Variants in SRPK1 observed in about 807,000 individuals in gnomAD.
The protein encoded by SRPK1 is SFRS protein kinase 1.
SRPK1 carries 52 observed loss-of-function variants against 89.5 expected under a neutral mutation model. The observed-to-expected ratio is 0.58, with a 90% confidence interval of 0.46 to 0.73. The LOEUF (loss-of-function observed/expected upper bound fraction) is 0.73. Ranked by LOEUF, SRPK1 falls within the 30% of genes least tolerant of loss-of-function variation. The probability of loss-of-function intolerance (pLI) is 0.00; values close to 1 mark genes in which losing one functional copy is unlikely to be tolerated. For synonymous variants in SRPK1, 255 were observed against 270.2 expected (o/e 0.94, Z 0.55); for missense variants, 603 against 780.6 (o/e 0.77, Z 2.71).
chr6:35,893,584 G>C (rs926043701), intron 2 of SRPK1, among the ~76,000 whole-genome samples: 1 of 151,886 alleles, frequency 6.6e-6, no homozygotes, highest in Non-Finnish European at 1.5e-5. Flanking sequence ...CTTGCAGGGG[G>C]CAAAAAAGGA....
chr6:35,911,067 G>A (rs1770950678), intron 2 of SRPK1, among the ~76,000 whole-genome samples: 1 of 152,156 alleles, frequency 6.6e-6, no homozygotes, highest in East Asian at 1.9e-4. Context: ...CAACTTTCAA[G>A]TCTTATTATT....
At chr6:35,849,755 C>G (rs1051815989) in intron 13 of SRPK1, among the ~76,000 whole-genome samples, 2 of 152,114 alleles carry the variant, frequency 1.3e-5, no homozygotes, top group African/African-American at 4.8e-5. Flanking sequence ...AAATGTTCAG[C>G]CAGTATGTAT....
In SRPK1 at chr6:35,835,396, A is replaced by G; in HGVS notation, c.1876T>C (p.Phe626Leu). The G allele has an allele frequency of 1.2e-6, 2 of 1,613,846 alleles. No individual in the cohort carries two copies. The highest frequency in any genetic ancestry group is 1.7e-6 in the Non-Finnish European group (2 of 1,179,848). ...AACATGGGCAGTAAGAAATCTGTGAAGCCAGCTGCCTCTTCCTGCGACCAC... is the reference window on the plus strand; with the variant it reads ...AACATGGGCAGTAAGAAATCTGTGAGGCCAGCTGCCTCTTCCTGCGACCAC... ...YEWSQEEAAG[F>L]TDFLLPMLEL... is the part of the protein sequence containing the mutation. The change falls in exon 16 of 16, where the codon TTC becomes CTC. Residue 626 changes from phenylalanine (F) to leucine (L), a missense_variant. Phe to Leu is a conservative substitution (Grantham distance 22). Coordinates refer to ENST00000373825, the MANE Select transcript of SRPK1 (RefSeq NM_003137.5).
Position 35,869,470 on chromosome 6 carries a change from C to T in SRPK1, c.1411+12G>A. ...GGGAAGGAGTGTTGAGGAAGTATAGCTGCATAGGTACCTTTGTTGTCCAGT... is the reference window on the plus strand; with the variant it reads ...GGGAAGGAGTGTTGAGGAAGTATAGTTGCATAGGTACCTTTGTTGTCCAGT... On this transcript the variant is annotated intron_variant, in intron 11 of 15. Transcript: ENST00000373825. 6.2e-7 allele frequency: 1 copy of T among 1,608,690 alleles called. No individual in the cohort carries two copies. The highest frequency in any genetic ancestry group is 8.5e-7 in the Non-Finnish European group (1 of 1,175,940).
chr6:35,842,501 C>T, intron 14 of SRPK1, 34 bp downstream of exon 14: 2 of 1,553,848 alleles, frequency 1.3e-6, no homozygotes, highest in East Asian at 4.5e-5. Context: ...AGTGTAAATA[C>T]CACGCACACA....
At chr6:35,909,223 C>A (rs144326561) in intron 2 of SRPK1, among the ~76,000 whole-genome samples, 2 of 152,226 alleles carry the variant, frequency 1.3e-5, no homozygotes, top group Non-Finnish European at 2.9e-5. Flanking sequence ...CTATGGGATC[C>A]CACCCCTTGC....
At chr6:35,842,477 A>G in intron 14 of SRPK1, 58 bp downstream of exon 14, 3 of 1,366,926 alleles carry the variant, frequency 2.2e-6, no homozygotes, top group Non-Finnish European at 3.0e-6. Flanking sequence ...AAATGATGTT[A>G]GCTTAATGTG....
intron 2 of SRPK1, among the ~76,000 whole-genome samples, chr6:35,909,565 G>A (rs1364433771): frequency 6.6e-6 from 1 of 152,184 alleles, no homozygotes; most frequent in Non-Finnish European, 1.5e-5. Context: ...TGCAATGTGA[G>A]GACAAGAGAT....
chr6:35,885,298 C>CACACACACAGAGAG (rs1276672274), intron 6 of SRPK1, among the ~76,000 whole-genome samples: 28 of 113,112 alleles, frequency 2.5e-4, no homozygotes, highest in African/African-American at 9.1e-4. Flanking sequence ...CACACACACA[C>CACACACACAGAGAG]AGAGAGAGAG....
At chr6:35,881,470 TATAG>T (rs1770289553) in intron 6 of SRPK1, among the ~76,000 whole-genome samples, 2 of 128,592 alleles carry the variant, frequency 1.6e-5, no homozygotes, top group Non-Finnish European at 3.5e-5. Flanking sequence ...TAGATATAGA[TATAG>T]ATATAGATCC....
chr6:35,899,508 C>G (rs1770698197), intron 2 of SRPK1, among the ~76,000 whole-genome samples: 1 of 152,162 alleles, frequency 6.6e-6, no homozygotes, highest in Non-Finnish European at 1.5e-5. Context: ...AATGGCATAT[C>G]CTAAATGCCT....
chr6:35,886,423 G>C (rs767774632), intron 6 of SRPK1, among the ~76,000 whole-genome samples: 5 of 152,116 alleles, frequency 3.3e-5, no homozygotes, highest in Non-Finnish European at 1.5e-5. Flanking sequence ...TAAAGTTTCT[G>C]TGCTAACTGA....
chr6:35,910,953 T>G (rs1178413042), intron 2 of SRPK1, among the ~76,000 whole-genome samples: 1 of 152,232 alleles, frequency 6.6e-6, no homozygotes, highest in East Asian at 1.9e-4. Flanking sequence ...GCAATGTACC[T>G]AGTCACCCAA....
At chr6:35,860,013 A>G (rs1350684966) in intron 12 of SRPK1, among the ~76,000 whole-genome samples, 1 of 151,882 alleles carries the variant, frequency 6.6e-6, no homozygotes, top group Non-Finnish European at 1.5e-5. Context: ...TGCCTGCCAC[A>G]ACGCCTGGCT....
Position 35,912,013 on chromosome 6 carries a change from C to A in SRPK1, c.74+8455G>T, listed in dbSNP as rs556418750. ...AGCTACTCCAACCTTGAGCAGCCGC[C>A]AGATGAGTCAGCAGCCATCAATACT... On this transcript the variant is annotated intron_variant, in intron 2 of 15. Coordinates refer to ENST00000373825, the MANE Select transcript of SRPK1 (RefSeq NM_003137.5). Among the ~76,000 whole-genome samples the A allele has an allele frequency of 1.2e-3, 181 of 152,064 alleles. 1 individual carries two copies. Among genetic ancestry groups the A allele is most frequent in the African/African-American group, 4.2e-3 (176 of 41,460 alleles).
chr6:35,865,420 A>AT (rs1769873145), intron 12 of SRPK1, among the ~76,000 whole-genome samples: 2 of 152,242 alleles, frequency 1.3e-5, no homozygotes, highest in South Asian at 4.1e-4. Context: ...TACTAATGTC[A>AT]TTTTTTCACA....
At position 35,915,135 on chromosome 6, in the gene SRPK1, G is replaced by A. The variant is rs1241433649; in HGVS notation, c.74+5333C>T. 2.2e-4 allele frequency among the ~76,000 whole-genome samples: 33 copies of A among 152,236 alleles called. 1 individual carries two copies. In the East Asian group the frequency reaches 2.7e-3, roughly 12 times the overall value. Reference sequence around the variant, plus strand: ...TTGCTGGAGGAAGGCCGGGTATGGCGGCTTACATCTGTAATCCTGGCACTT... The same window carrying A: ...TTGCTGGAGGAAGGCCGGGTATGGCAGCTTACATCTGTAATCCTGGCACTT... On this transcript the variant is annotated intron_variant, in intron 2 of 15. Coordinates refer to ENST00000373825, the MANE Select transcript of SRPK1 (RefSeq NM_003137.5).
At chr6:35,913,969 C>CTTTTTTTTTTTTTTTT (rs545555860) in intron 2 of SRPK1, among the ~76,000 whole-genome samples, 2 of 92,934 alleles carry the variant, frequency 2.2e-5, no homozygotes, top group Non-Finnish European at 2.1e-5. Context: ...GATACTTTCT[C>CTTTTTTTTTTTTTTTT]TTTTTTTTTT....
intron 2 of SRPK1, among the ~76,000 whole-genome samples, chr6:35,913,969 C>CTTTTTTTTTTTTTT (rs545555860): frequency 2.2e-5 from 2 of 92,934 alleles, no homozygotes; most frequent in Admixed American, 1.4e-4. Flanking sequence ...GATACTTTCT[C>CTTTTTTTTTTTTTT]TTTTTTTTTT....
Sources: gnomAD v4.1 joint callset for allele counts (sites outside exome capture counted in the v4.1 genomes callset) on GRCh38, gnomAD v4.1.1 for gene constraint, MANE v1.5 for transcripts, NCBI Gene and HGNC (gene_info 2026-07-23, HGNC 2026-07-21) for gene names.